The following TIMMDC1 variants were observed in gnomAD, a reference collection of about 807,000 sequenced individuals.
The protein encoded by TIMMDC1 is translocase of inner mitochondrial membrane domain containing 1, also known as complex I assembly factor TIMMDC1, mitochondrial.
In TIMMDC1, 25 loss-of-function variants were observed where a neutral mutation model predicts 32.6. That is an observed-to-expected ratio of 0.77 (90% CI 0.56 to 1.07). The LOEUF is 1.07. Among genes scored for constraint, TIMMDC1 ranks in the 50% least tolerant of loss-of-function variants. The probability of loss-of-function intolerance (pLI) is 0.00; values close to 1 mark genes in which losing one functional copy is unlikely to be tolerated. For synonymous variants in TIMMDC1, 130 were observed against 127.6 expected (o/e 1.02, Z -0.13); for missense variants, 329 against 349.2 (o/e 0.94, Z 0.46).
intron 5 of TIMMDC1, among the ~76,000 whole-genome samples, chr3:119,515,237 A>G (rs1351881626): frequency 6.6e-6 from 1 of 151,672 alleles, no homozygotes; most frequent in African/African-American, 2.4e-5. Context: ...AGGAAAAACT[A>G]AAAAAGAATT....
At chr3:119,506,427 G>C (rs2081919168) in intron 4 of TIMMDC1, among the ~76,000 whole-genome samples, 1 of 152,006 alleles carries the variant, frequency 6.6e-6, no homozygotes, top group Non-Finnish European at 1.5e-5. Context: ...GCTGAGGTGG[G>C]AGGATGGCAT....
intron 1 of TIMMDC1, 25 bp from the exon 2 acceptor site, chr3:119,500,670 C>G (rs1442190638): frequency 1.6e-5 from 25 of 1,602,502 alleles, no homozygotes; most frequent in Non-Finnish European, 2.1e-5. Context: ...TAATCCCAAA[C>G]AACATTGTCT....
chr3:119,502,211 T>C (rs949844327), intron 2 of TIMMDC1, among the ~76,000 whole-genome samples: 10 of 152,130 alleles, frequency 6.6e-5, no homozygotes, highest in African/African-American at 2.4e-4. Flanking sequence ...AATTTTTTTA[T>C]TTTTTTAAAA....
At position 119,500,800 on chromosome 3, in the gene TIMMDC1, TA is replaced by T; in HGVS notation, c.303del (p.Lys101AsnfsTer46). ...YGGIPAFIHA[K>X]QQYIEQSQAE... is the part of the protein sequence containing the mutation. ...GGGGAATACCAGCTTTTATTCATGC[TA>T]AACAACAATACATTGAGCAGAGCCA... On this transcript the variant is annotated frameshift_variant, in exon 2 of 7. Coordinates refer to ENST00000494664, the MANE Select transcript of TIMMDC1 (RefSeq NM_016589.4). LOFTEE classifies it high-confidence loss of function. 6.2e-7 allele frequency: 1 copy of T among 1,614,170 alleles called. No individual in the cohort carries two copies. The highest frequency in any genetic ancestry group is 8.5e-7 in the Non-Finnish European group (1 of 1,180,020).
At chr3:119,515,523 G>A (rs145223132) in intron 5 of TIMMDC1, among the ~76,000 whole-genome samples, 27 of 152,194 alleles carry the variant, frequency 1.8e-4, no homozygotes, top group Admixed American at 7.2e-4. Context: ...TTACATTTCT[G>A]AAATCAATTT....
chr3:119,510,367 A>G (rs1257659868), intron 4 of TIMMDC1, among the ~76,000 whole-genome samples: 1 of 152,228 alleles, frequency 6.6e-6, no homozygotes, highest in African/African-American at 2.4e-5. Flanking sequence ...TAGTTAACCC[A>G]GTATTTTTCT....
rs531877808 is a variant in TIMMDC1, at chr3:119,525,072, G to C, written c.*1316G>C. 3 of 152,212 alleles carry C rather than the reference G, an allele frequency of 2.0e-5. No homozygotes were observed. Among genetic ancestry groups the C allele is most frequent in the Middle Eastern group, 3.4e-3 (1 of 294 alleles). The allele number at this position is 152,212 out of a possible 1,614,324, so 9.4% of individuals were successfully genotyped here. Reference sequence around the variant, plus strand: ...TTTCCTCCTTGACTACTGCTTTGACGTACCTAAATCATTCGTCTTACATGT... The same window carrying C: ...TTTCCTCCTTGACTACTGCTTTGACCTACCTAAATCATTCGTCTTACATGT... On this transcript the variant is annotated 3_prime_UTR_variant, in exon 7 of 7. Coordinates refer to ENST00000494664, the MANE Select transcript of TIMMDC1 (RefSeq NM_016589.4).
rs1274613558 is a variant in TIMMDC1 at position 119,503,632 on chromosome 3, C to G, written c.449+12C>G. The G allele has an allele frequency of 1.9e-6, 3 of 1,585,450 alleles. No individual in the cohort carries two copies. Among genetic ancestry groups the G allele is most frequent in the African/African-American group, 2.7e-5 (2 of 73,920 alleles). The stretch of plus-strand genomic sequence containing the variant: ...GTGACTATATTCAAGTAAGTTCACT[C>G]TGAATTGTGAGATAGTGAATTTTCT... On this transcript the variant is annotated intron_variant, in intron 3 of 6. Coordinates refer to ENST00000494664, the MANE Select transcript of TIMMDC1 (RefSeq NM_016589.4).
At chr3:119,517,979 CTTTT>C (rs71812615) in intron 6 of TIMMDC1, among the ~76,000 whole-genome samples, 1 of 134,168 alleles carries the variant, frequency 7.5e-6, no homozygotes. Context: ...AAAAAAGTGA[CTTTT>C]TTTTTTTTTT....
intron 6 of TIMMDC1, among the ~76,000 whole-genome samples, chr3:119,522,355 G>A (rs1190037623): frequency 6.6e-6 from 1 of 152,092 alleles, no homozygotes; most frequent in African/African-American, 2.4e-5. Context: ...TAAAAAATGG[G>A]CTCATAGAAG....
At chr3:119,505,276 G>GTTATA (rs1337851833) in intron 4 of TIMMDC1, among the ~76,000 whole-genome samples, 4 of 151,932 alleles carry the variant, frequency 2.6e-5, no homozygotes, top group Admixed American at 2.0e-4. Flanking sequence ...GTTTCAGAAA[G>GTTATA]GTAAGTTAAC....
intron 4 of TIMMDC1, among the ~76,000 whole-genome samples, chr3:119,505,203 A>G (rs1577096697): frequency 6.6e-6 from 1 of 152,160 alleles, no homozygotes; most frequent in Non-Finnish European, 1.5e-5. Flanking sequence ...AAAACATGTT[A>G]TACACCATAT....
intron 5 of TIMMDC1, among the ~76,000 whole-genome samples, chr3:119,513,991 T>C (rs2107732646): frequency 6.6e-6 from 1 of 152,308 alleles, no homozygotes; most frequent in Admixed American, 6.5e-5. Flanking sequence ...AGGGCCCTTA[T>C]TCAAAATGCC....
Position 119,523,895 on chromosome 3 carries a change from G to A in TIMMDC1, c.*139G>A. Reference sequence around the variant, plus strand: ...CCTGTGGTGGCAGTGGCTTGCTCTTGTCTTTTTCTTTTCTTTTTAACTAAG... The same window carrying A: ...CCTGTGGTGGCAGTGGCTTGCTCTTATCTTTTTCTTTTCTTTTTAACTAAG... On this transcript the variant is annotated 3_prime_UTR_variant, in exon 7 of 7. Coordinates refer to ENST00000494664, the MANE Select transcript of TIMMDC1 (RefSeq NM_016589.4). 2 of 768,248 alleles carry A rather than the reference G, an allele frequency of 2.6e-6. No homozygotes were observed. The highest frequency in any genetic ancestry group is 3.1e-5 in the Admixed American group (1 of 32,756). The allele number at this position is 768,248 out of a possible 1,614,324, so 47.6% of individuals were successfully genotyped here.
In TIMMDC1 at chr3:119,524,920, T is replaced by G. The variant is rs1316910549; in HGVS notation, c.*1164T>G. 1 of 152,206 alleles carries G rather than the reference T, an allele frequency of 6.6e-6. No homozygotes were observed. Among genetic ancestry groups the G allele is most frequent in the Non-Finnish European group, 1.5e-5 (1 of 68,028 alleles). The allele number at this position is 152,206 out of a possible 1,614,324, so 9.4% of individuals were successfully genotyped here. On this transcript the variant is annotated 3_prime_UTR_variant, in exon 7 of 7. Coordinates refer to ENST00000494664, the MANE Select transcript of TIMMDC1 (RefSeq NM_016589.4). ...AGCTTACTGCTTAGTACATACACTGTAAACAACGATCTCATTTTAAATGAG... is the reference window on the plus strand; with the variant it reads ...AGCTTACTGCTTAGTACATACACTGGAAACAACGATCTCATTTTAAATGAG...
chr3:119,521,876 A>G (rs1218152154), intron 6 of TIMMDC1, among the ~76,000 whole-genome samples: 2 of 152,212 alleles, frequency 1.3e-5, no homozygotes, highest in East Asian at 3.8e-4. Context: ...ATTTATCCCA[A>G]TTAGAATGTC....
At chr3:119,518,588 A>G (rs2082001854) in intron 6 of TIMMDC1, among the ~76,000 whole-genome samples, 1 of 152,118 alleles carries the variant, frequency 6.6e-6, no homozygotes, top group Non-Finnish European at 1.5e-5. Context: ...TAAATGAAAC[A>G]TTAAAAACTG....
At chr3:119,510,199 A>T (rs1257301607) in intron 4 of TIMMDC1, among the ~76,000 whole-genome samples, 1 of 152,176 alleles carries the variant, frequency 6.6e-6, no homozygotes, top group Non-Finnish European at 1.5e-5. Flanking sequence ...GTAAATATAT[A>T]AATAGCCTTT....
intron 4 of TIMMDC1, among the ~76,000 whole-genome samples, chr3:119,508,803 T>G (rs1577098242): frequency 6.6e-6 from 1 of 152,246 alleles, no homozygotes; most frequent in South Asian, 2.1e-4. Flanking sequence ...TTAGTACCTC[T>G]TGGTACTTTG....
Sources: gnomAD v4.1 joint callset for allele counts (sites outside exome capture counted in the v4.1 genomes callset) on GRCh38, gnomAD v4.1.1 for gene constraint, MANE v1.5 for transcripts, NCBI Gene and HGNC (gene_info 2026-07-23, HGNC 2026-07-21) for gene names.